CAMK2G: variants seen among roughly 807,000 people sequenced by gnomAD.
CAMK2G encodes calcium/calmodulin-dependent protein kinase type II subunit gamma.
In CAMK2G, 23 loss-of-function variants were observed where a neutral mutation model predicts 88.7. That is an observed-to-expected ratio of 0.26 (90% CI 0.19 to 0.37). The LOEUF (loss-of-function observed/expected upper bound fraction) is 0.37, where lower values mean the gene tolerates loss of function less well. Ranked by LOEUF, CAMK2G falls within the 10% of genes least tolerant of loss-of-function variation. CAMK2G has a pLI of 1.00. For missense variants in CAMK2G, 476 were observed against 780.8 expected, an observed-to-expected ratio of 0.61 and a Z score of 4.65; for synonymous variants, 263 against 294.8, an observed-to-expected ratio of 0.89 and a Z score of 1.11.
At chr10:73,833,139 T>A (rs1430073188) in intron 14 of CAMK2G, among the ~76,000 whole-genome samples, 1 of 151,552 alleles carries the variant, frequency 6.6e-6, no homozygotes, top group Non-Finnish European at 1.5e-5. Flanking sequence ...TTTTTTTTTT[T>A]TTTTTAAGAG....
intron 3 of CAMK2G, among the ~76,000 whole-genome samples, chr10:73,854,873 C>A (rs1379271068): frequency 6.6e-6 from 1 of 152,136 alleles, no homozygotes; most frequent in Non-Finnish European, 1.5e-5. Context: ...TTTCCGCATC[C>A]CATTACCTAC....
intron 14 of CAMK2G, among the ~76,000 whole-genome samples, chr10:73,830,269 G>A (rs561521738): frequency 6.6e-6 from 1 of 152,124 alleles, no homozygotes; most frequent in African/African-American, 2.4e-5. Context: ...GTCTAAATGT[G>A]AGGTCTTTTT....
chr10:73,825,186 C>A (rs1469508018), intron 16 of CAMK2G, 93 bp downstream of exon 16: 3 of 887,550 alleles, frequency 3.4e-6, no homozygotes, highest in Admixed American at 1.7e-5. Flanking sequence ...AAGGAACAGG[C>A]CAGGAGGCCA....
intron 2 of CAMK2G, 124 bp downstream of exon 2, chr10:73,872,865 G>T: frequency 1.3e-6 from 1 of 751,942 alleles, no homozygotes; most frequent in Admixed American, 1.9e-5. Flanking sequence ...AGTCCAACCA[G>T]TCTGAAATTC....
intron 17 of CAMK2G, among the ~76,000 whole-genome samples, chr10:73,822,460 G>A (rs879928861): frequency 1.3e-5 from 2 of 152,034 alleles, no homozygotes; most frequent in Non-Finnish European, 2.9e-5. Flanking sequence ...GAGCCACCAC[G>A]CCCGGGCCTC....
intron 2 of CAMK2G, among the ~76,000 whole-genome samples, chr10:73,864,799 T>C (rs903490798): frequency 2.6e-5 from 4 of 152,098 alleles, no homozygotes; most frequent in Non-Finnish European, 5.9e-5. Context: ...CCCATCACCA[T>C]GCCCGGCTAA....
chr10:73,842,630 G>GTA lies in CAMK2G; in HGVS notation c.820-90_820-89insTA. On this transcript the variant is annotated intron_variant, in intron 10 of 22. Transcript: ENST00000423381. The surrounding 1 kb of genome is among the most constrained non-coding windows in gnomAD (Gnocchi z 4.6). Reference sequence around the variant, plus strand: ...GCACCGATACCATGCCCAGGACAGGGTCATGCACTCAGCCACCCCAGAGTT... The same window carrying GTA: ...GCACCGATACCATGCCCAGGACAGGGTATCATGCACTCAGCCACCCCAGAGTT... 2.2e-6 allele frequency: 2 copies of GTA among 914,492 alleles called. No homozygotes were observed. The highest frequency in any genetic ancestry group is 3.6e-6 in the Non-Finnish European group (2 of 560,608). 56.6% of individuals were successfully genotyped at this position (914,492 alleles called of 1,614,324 possible). A position where few individuals can be genotyped will look rare whatever the true frequency, so the allele number is the denominator to read the frequency against.
At chr10:73,865,330 C>T (rs557674149) in intron 2 of CAMK2G, among the ~76,000 whole-genome samples, 77 of 152,288 alleles carry the variant, frequency 5.1e-4, no homozygotes, top group South Asian at 5.0e-3. Flanking sequence ...AGGGGAACGC[C>T]GCAGGAAGTG....
chr10:73,832,805 T>G lies in CAMK2G; in HGVS notation c.1053+4663A>C, dbSNP rs536341447. Among the ~76,000 whole-genome samples, 9 of 152,204 alleles carry G rather than the reference T, an allele frequency of 5.9e-5. No homozygotes were observed. The East Asian group carries it at 1.5e-3, about 26-fold the overall frequency. On this transcript the variant is annotated intron_variant, in intron 14 of 22. Transcript: ENST00000423381. Reference sequence around the variant, plus strand: ...TTAAATTTAAAAACATTTTTAAGAGTTGGGGGTCTCACTATGTTGCCCAGC... The same window carrying G: ...TTAAATTTAAAAACATTTTTAAGAGGTGGGGGTCTCACTATGTTGCCCAGC...
At position 73,814,439 on chromosome 10, in the gene CAMK2G, G is replaced by A. The variant is rs1283990614; in HGVS notation, c.*79C>T. 1 of 155,360 alleles carries A rather than the reference G, an allele frequency of 6.4e-6. No homozygotes were observed. The highest frequency in any genetic ancestry group is 1.4e-5 in the Non-Finnish European group (1 of 69,616). The allele number at this position is 155,360 out of a possible 1,614,324, so 9.6% of individuals were successfully genotyped here. A position where few individuals can be genotyped will look rare whatever the true frequency, so the allele number is the denominator to read the frequency against. On this transcript the variant is annotated 3_prime_UTR_variant, in exon 23 of 23. Transcript: ENST00000423381. ...ACCTCAAACAAACAGGACTGCCGCT[G>A]TCACTCAGGCCCTCCAGAGCCACTG... is the stretch of plus-strand genomic sequence containing the variant.
chr10:73,857,666 C>T (rs1369535006), intron 3 of CAMK2G, among the ~76,000 whole-genome samples: 2 of 152,106 alleles, frequency 1.3e-5, no homozygotes, highest in Non-Finnish European at 2.9e-5. Context: ...CAGCTCAGCA[C>T]GAAGGAAGAC....
intron 21 of CAMK2G, 129 bp from the exon 22 acceptor site, chr10:73,815,376 C>CA (rs1364393314): frequency 2.1e-5 from 14 of 654,620 alleles, no homozygotes; most frequent in Middle Eastern, 3.6e-4. Context: ...ACCGCCCCCC[C>CA]CCACCCCCGA....
intron 15 of CAMK2G, among the ~76,000 whole-genome samples, chr10:73,827,555 GAA>G (rs1483045139): frequency 6.6e-6 from 1 of 152,314 alleles, no homozygotes; most frequent in African/African-American, 2.4e-5. Context: ...TGTCCCGTGA[GAA>G]AGATGAGTTA....
chr10:73,849,451 A>G (rs2094473252), intron 5 of CAMK2G, 118 bp from the exon 6 acceptor site: 1 of 683,122 alleles, frequency 1.5e-6, no homozygotes, highest in African/African-American at 1.8e-5. Flanking sequence ...ACAGAGAATC[A>G]CTTAACGGCC....
intron 16 of CAMK2G, among the ~76,000 whole-genome samples, chr10:73,824,883 G>C (rs2090382761): frequency 6.6e-6 from 1 of 152,198 alleles, no homozygotes; most frequent in Admixed American, 6.5e-5. Flanking sequence ...GGCTGAGGCA[G>C]GTTTTACAAG....
chr10:73,817,660 C>T, intron 19 of CAMK2G, 106 bp from the exon 20 acceptor site: 1 of 755,588 alleles, frequency 1.3e-6, no homozygotes, highest in Non-Finnish European at 2.4e-6. Context: ...ATGACAAAGA[C>T]ATCCCTCTTC....
chr10:73,842,259 G>C lies in CAMK2G; in HGVS notation c.904-48C>G, dbSNP rs1157955412. Reference sequence around the variant, plus strand: ...TGAATTCACTGAGACCCTAGAAAAGGGCAGGCTGGTCTCAGGCAAAGGCAG... The same window carrying C: ...TGAATTCACTGAGACCCTAGAAAAGCGCAGGCTGGTCTCAGGCAAAGGCAG... On this transcript the variant is annotated intron_variant, in intron 11 of 22. Transcript: ENST00000423381. This position sits in a 1 kb window ranked among gnomAD's most constrained non-coding sequence, Gnocchi z 4.6. 5.3e-6 allele frequency: 8 copies of C among 1,514,382 alleles called. No homozygotes were observed. Among genetic ancestry groups the C allele is most frequent in the Non-Finnish European group, 5.5e-6 (6 of 1,088,886 alleles). The allele number at this position is 1,514,382 out of a possible 1,614,324, so 93.8% of individuals were successfully genotyped here.
rs553991495 is a variant in CAMK2G at position 73,839,677 on chromosome 10, C to T, written c.947-76G>A. The T allele has an allele frequency of 6.4e-6, 6 of 943,564 alleles. No homozygotes were observed. The highest frequency in any genetic ancestry group is 5.3e-5 in the South Asian group (1 of 18,746). The allele number at this position is 943,564 out of a possible 1,614,324, so 58.4% of individuals were successfully genotyped here. ...CGTCAGCAGCGAGCATGCCCCAGCG[C>T]GAGGCGCAGCCCAGGCGGCGTGGCC... On this transcript the variant is annotated intron_variant, in intron 12 of 22. Coordinates refer to ENST00000423381, the MANE Select transcript of CAMK2G (RefSeq NM_001367534.1). The surrounding 1 kb of genome is among the most constrained non-coding windows in gnomAD (Gnocchi z 4.2).
intron 13 of CAMK2G, 36 bp from the exon 14 acceptor site, chr10:73,837,547 T>C (rs756141846): frequency 6.4e-7 from 1 of 1,557,736 alleles, no homozygotes; most frequent in Non-Finnish European, 8.9e-7. Context: ...GTCTCCTGCA[T>C]TGTACCCTCT....
Sources: allele counts gnomAD v4.1 joint callset (sites outside exome capture counted in the v4.1 genomes callset), GRCh38; gene constraint gnomAD v4.1.1; non-coding constraint Gnocchi (gnomAD v3.1); transcripts MANE v1.5; gene names NCBI Gene and HGNC (gene_info 2026-07-23, HGNC 2026-07-21).